BIRC6: variants seen among roughly 807,000 people sequenced by gnomAD.
BIRC6 encodes the protein baculoviral IAP repeat containing 6.
In BIRC6, 98 loss-of-function variants were observed where a neutral mutation model predicts 503.3. That is an observed-to-expected ratio of 0.19 (90% CI 0.17 to 0.23). The LOEUF is 0.23. Ranked by LOEUF, BIRC6 falls within the 10% of genes least tolerant of loss-of-function variation. BIRC6 has a pLI of 1.00. For missense variants in BIRC6, 5,360 were observed against 5,806.0 expected (o/e 0.92, Z 2.50); for synonymous variants, 2,240 against 2,078.7 (o/e 1.08, Z -2.11).
At chr2:32,416,849 T>C (rs1015996705) in intron 10 of BIRC6, among the ~76,000 whole-genome samples, 4 of 147,848 alleles carry the variant, frequency 2.7e-5, no homozygotes, top group Admixed American at 2.0e-4. Context: ...TTTCCTTTTA[T>C]TTTTGAGAGG....
rs1238362325 is a variant in BIRC6 at position 32,597,978 on chromosome 2, AATG to A, written c.13830+13_13830+15del. 3.8e-6 allele frequency: 6 copies of A among 1,596,618 alleles called. No homozygotes were observed. The highest frequency in any genetic ancestry group is 5.1e-6 in the Non-Finnish European group (6 of 1,171,170). On this transcript the variant is annotated intron_variant, in intron 69 of 73. Transcript: ENST00000421745. ...ACTTGATATCATGAAGGTAAAAAATAATGATAATAAAGCACTCTCCCTTATCTC... is the reference window on the plus strand; with the variant it reads ...ACTTGATATCATGAAGGTAAAAAATAATAATAAAGCACTCTCCCTTATCTC...
In BIRC6 at chr2:32,446,738, G is replaced by GTTTTTTTTTTTT. The variant is rs58232090; in HGVS notation, c.4484+1092_4484+1103dup. On this transcript the variant is annotated intron_variant, in intron 21 of 73. Coordinates refer to ENST00000421745, the MANE Select transcript of BIRC6 (RefSeq NM_016252.4). ...TCTAGTCAGCATCTCCCTCTGCGCT[G>GTTTTTTTTTTTT]TTTTTTTTTTTTTTTTTTTTTTTTT... 1.5e-3 allele frequency among the ~76,000 whole-genome samples: 52 copies of GTTTTTTTTTTTT among 34,862 alleles called. 1 individual carries two copies. Among genetic ancestry groups the GTTTTTTTTTTTT allele is most frequent in the East Asian group, 5.4e-3 (4 of 738 alleles). The allele number at this position is 34,862 out of a possible 152,430, so 22.9% of individuals were successfully genotyped here. A position where few individuals can be genotyped will look rare whatever the true frequency, so the allele number is the denominator to read the frequency against.
chr2:32,543,277 A>G lies in BIRC6; in HGVS notation c.12328A>G (p.Lys4110Glu). The change falls in exon 62 of 74, where the codon AAG becomes GAG. Residue 4110 changes from lysine (K) to glutamate (E), a missense_variant. Lys to Glu is a moderately conservative substitution (Grantham distance 56, BLOSUM62 1). Transcript: ENST00000421745. ...APVVTSTTQE[K>E]PKDSDQFEWV... is the part of the protein sequence containing the mutation. ...AGTTGTAACATCTACCACTCAGGAA[A>G]AGCCGAAGGATAGCGATCAGTTTGA... The G allele has an allele frequency of 6.2e-7, 1 of 1,613,984 alleles. No individual in the cohort carries two copies. Among genetic ancestry groups the G allele is most frequent in the Non-Finnish European group, 8.5e-7 (1 of 1,179,868 alleles).
At chr2:32,547,812 A>C (rs2058156959) in intron 63 of BIRC6, 38 bp from the exon 64 acceptor site, 1 of 1,474,598 alleles carries the variant, frequency 6.8e-7, no homozygotes, top group East Asian at 2.4e-5. Flanking sequence ...ATAAGCAAAA[A>C]CAAATTGTAA....
chr2:32,403,927 TG>T (rs1242889626), intron 8 of BIRC6, among the ~76,000 whole-genome samples: 1 of 127,574 alleles, frequency 7.8e-6, no homozygotes, highest in East Asian at 2.6e-4. Flanking sequence ...AATGTGTGTG[TG>T]TTTTTTTTTT....
chr2:32,518,151 TTAAAA>T (rs1344318944), intron 55 of BIRC6, 98 bp from the exon 56 acceptor site: 4 of 1,160,708 alleles, frequency 3.4e-6, no homozygotes, highest in Middle Eastern at 2.4e-4. Flanking sequence ...ATTTGATATG[TTAAAA>T]TAAACTTATT....
chr2:32,455,012 C>A (rs929791890), intron 23 of BIRC6, among the ~76,000 whole-genome samples: 6 of 152,016 alleles, frequency 3.9e-5, no homozygotes, highest in Non-Finnish European at 8.8e-5. Flanking sequence ...AGAAACATGC[C>A]ATGACAAAAA....
At position 32,467,629 on chromosome 2, in the gene BIRC6, A is replaced by G. The variant is rs764276187; in HGVS notation, c.5461A>G (p.Thr1821Ala). Residue 1821 changes from threonine to alanine, a missense_variant, in exon 27 of 74, where the codon ACA becomes GCA. Thr to Ala is a moderately conservative substitution (Grantham distance 58, BLOSUM62 0). This residue lies in a region of BIRC6 where 2,299 missense variants were observed against 2,267.2 expected (regional missense o/e 1.01). Transcript: ENST00000421745. The stretch of plus-strand genomic sequence containing the variant: ...GGCCTCTTTGTCAATTGACATTTGG[A>G]CATTAGGAGAAGAGGTGGATGGAAG... Reference protein sequence around the residue: ...DLASLSIDIWTLGEEVDGRRL... With the variant: ...DLASLSIDIWALGEEVDGRRL... 6.2e-7 allele frequency: 1 copy of G among 1,613,912 alleles called. No homozygotes were observed.
chr2:32,534,869 T>G (rs549068301), intron 61 of BIRC6, among the ~76,000 whole-genome samples: 2 of 145,986 alleles, frequency 1.4e-5, no homozygotes, highest in Admixed American at 6.8e-5. Flanking sequence ...AGAAGAAGAG[T>G]GAGTTGAAAC....
At chr2:32,391,749 T>C (rs1258813691) in intron 4 of BIRC6, among the ~76,000 whole-genome samples, 1 of 152,242 alleles carries the variant, frequency 6.6e-6, no homozygotes, top group South Asian at 2.1e-4. Context: ...CTTTCTGTTA[T>C]AGTTTGACTC....
At chr2:32,511,201 C>CTTTTTTTTTTTTTT in intron 53 of BIRC6, among the ~76,000 whole-genome samples, 11 of 48,582 alleles carry the variant, frequency 2.3e-4, no homozygotes, top group Non-Finnish European at 2.1e-4. Flanking sequence ...CTTTTCTTTT[C>CTTTTTTTTTTTTTT]TTTTTTTTTT....
intron 6 of BIRC6, among the ~76,000 whole-genome samples, 156 bp downstream of exon 6, chr2:32,395,749 GCA>G (rs1430982921): frequency 6.6e-6 from 1 of 152,076 alleles, no homozygotes; most frequent in Non-Finnish European, 1.5e-5. Context: ...CTATACTCTG[GCA>G]CACCACTTGG....
At chr2:32,471,180 T>A in intron 32 of BIRC6, 56 bp downstream of exon 32, 1 of 1,539,574 alleles carries the variant, frequency 6.5e-7, no homozygotes, top group South Asian at 1.2e-5. Flanking sequence ...AATATGTTGG[T>A]GGGGATTTTG....
At position 32,549,445 on chromosome 2, in the gene BIRC6, A is replaced by C; in HGVS notation, c.13108A>C (p.Ile4370Leu). ...LLELLSQSCL[I>L]PAMSSYLRND... Reference sequence around the variant, plus strand: ...CGAGCTTCTCAGTCAGTCCTGCCTCATCCCAGCCATGTCATCTTATCTACG... The same window carrying C: ...CGAGCTTCTCAGTCAGTCCTGCCTCCTCCCAGCCATGTCATCTTATCTACG... The change falls in exon 65 of 74, where the codon ATC becomes CTC. Residue 4370 changes from isoleucine to leucine, a missense_variant. By Grantham distance (5) the Ile-to-Leu change is conservative. Coordinates refer to ENST00000421745, the MANE Select transcript of BIRC6 (RefSeq NM_016252.4). 6.8e-7 allele frequency: 1 copy of C among 1,468,560 alleles called. No homozygotes were observed. The highest frequency in any genetic ancestry group is 9.2e-7 in the Non-Finnish European group (1 of 1,087,660). 91.0% of individuals were successfully genotyped at this position (1,468,560 alleles called of 1,614,324 possible).
At chr2:32,389,266 A>G (rs2038903891) in intron 4 of BIRC6, among the ~76,000 whole-genome samples, 1 of 152,066 alleles carries the variant, frequency 6.6e-6, no homozygotes, top group African/African-American at 2.4e-5. Flanking sequence ...TAATTATTTA[A>G]TGATTAATAA....
chr2:32,579,518 T>A (rs2060522062), intron 66 of BIRC6, among the ~76,000 whole-genome samples: 1 of 152,042 alleles, frequency 6.6e-6, no homozygotes, highest in African/African-American at 2.4e-5. Context: ...GGAGACCCTG[T>A]CTCTACAAAA....
intron 66 of BIRC6, 41 bp downstream of exon 66, chr2:32,575,407 A>G (rs2060194367): frequency 6.3e-7 from 1 of 1,578,220 alleles, no homozygotes; most frequent in Non-Finnish European, 8.7e-7. Context: ...TTTGCCTCTA[A>G]CAATGTTTTT....
intron 53 of BIRC6, among the ~76,000 whole-genome samples, chr2:32,510,921 C>T (rs1366007424): frequency 1.3e-5 from 2 of 152,090 alleles, no homozygotes; most frequent in African/African-American, 2.4e-5. Flanking sequence ...AAGTTGGCTA[C>T]GTGTGAAAGG....
Position 32,532,134 on chromosome 2 carries a change from C to CATGT in BIRC6, c.12291+583_12291+584insATGT, listed in dbSNP as rs375574284. ...GGAATTATTCTCTTTGATTTCATGT[C>CATGT]GTGTGTGTGTGTGTGTGTGTGTGTG... On this transcript the variant is annotated intron_variant, in intron 61 of 73. Coordinates refer to ENST00000421745, the MANE Select transcript of BIRC6 (RefSeq NM_016252.4). 1.6e-4 allele frequency: 74 copies of CATGT among 449,832 alleles called. No individual in the cohort carries two copies. In the African/African-American group the frequency reaches 1.7e-3, roughly 10 times the overall value. The allele number at this position is 449,832 out of a possible 1,614,324, so 27.9% of individuals were successfully genotyped here. A position where few individuals can be genotyped will look rare whatever the true frequency, so the allele number is the denominator to read the frequency against.
Sources: allele counts gnomAD v4.1 joint callset (sites outside exome capture counted in the v4.1 genomes callset), GRCh38; gene constraint gnomAD v4.1.1; regional missense constraint gnomAD v4.1.1; transcripts MANE v1.5; gene names NCBI Gene and HGNC (gene_info 2026-07-23, HGNC 2026-07-21).